Variants in PCDH9 observed in about 807,000 individuals in gnomAD.
PCDH9 encodes protocadherin 9, also known as protocadherin-9.
In PCDH9, 24 loss-of-function variants were observed where a neutral mutation model predicts 70.6. The ratio of observed to expected loss-of-function variants is 0.34; its 90% CI spans 0.25 to 0.48. The LOEUF (loss-of-function observed/expected upper bound fraction) is 0.48, where lower values mean the gene tolerates loss of function less well. PCDH9 is among the 20% of genes least tolerant of loss of function. The pLI is 0.99. For synonymous variants in PCDH9, 562 were observed against 558.5 expected, an observed-to-expected ratio of 1.01 and a Z score of -0.09; for missense variants, 1,281 against 1,503.6, an observed-to-expected ratio of 0.85 and a Z score of 2.45.
intron 2 of PCDH9, among the ~76,000 whole-genome samples, chr13:67,162,254 T>C (rs2087983333): frequency 1.3e-5 from 2 of 152,232 alleles, no homozygotes; most frequent in Admixed American, 1.3e-4. Context: ...AAAAGATATG[T>C]CAATATCCTT....
At chr13:67,016,373 T>A (rs2084561117) in intron 2 of PCDH9, among the ~76,000 whole-genome samples, 1 of 152,186 alleles carries the variant, frequency 6.6e-6, no homozygotes, top group African/African-American at 2.4e-5. Context: ...AAACTTCCCA[T>A]CTTTTTATGA....
At chr13:67,139,678 A>T (rs1032136464) in intron 2 of PCDH9, among the ~76,000 whole-genome samples, 2 of 152,174 alleles carry the variant, frequency 1.3e-5, no homozygotes, top group Non-Finnish European at 2.9e-5. Context: ...CACGACTTGT[A>T]CATCTGGTTA....
chr13:66,955,101 C>T (rs2083247010), intron 2 of PCDH9, among the ~76,000 whole-genome samples: 1 of 152,124 alleles, frequency 6.6e-6, no homozygotes, highest in South Asian at 2.1e-4. Flanking sequence ...TACCGTTGCT[C>T]AAGAGCATGT....
intron 4 of PCDH9, among the ~76,000 whole-genome samples, chr13:66,489,712 T>C (rs1172210186): frequency 6.6e-6 from 1 of 152,162 alleles, no homozygotes; most frequent in Non-Finnish European, 1.5e-5. Flanking sequence ...TGTATATGCC[T>C]AGTTTGTAGC....
intron 3 of PCDH9, among the ~76,000 whole-genome samples, chr13:66,643,203 G>A (rs2077730589): frequency 6.6e-6 from 1 of 152,020 alleles, no homozygotes; most frequent in African/African-American, 2.4e-5. Flanking sequence ...AGGAAAATAT[G>A]TTTTAAGCCT....
chr13:66,467,824 T>A (rs2138472228), intron 4 of PCDH9, among the ~76,000 whole-genome samples: 1 of 152,268 alleles, frequency 6.6e-6, no homozygotes, highest in East Asian at 1.9e-4. Flanking sequence ...TAAAATTGTA[T>A]GATACTTGTT....
At chr13:67,133,264 GAGA>G (rs1231873321) in intron 2 of PCDH9, among the ~76,000 whole-genome samples, 3 of 152,088 alleles carry the variant, frequency 2.0e-5, no homozygotes, top group African/African-American at 7.2e-5. Context: ...TTAAACTGGA[GAGA>G]AGTTGTTCTA....
chr13:66,521,501 A>G (rs1959982620), intron 4 of PCDH9, among the ~76,000 whole-genome samples: 1 of 152,180 alleles, frequency 6.6e-6, no homozygotes, highest in South Asian at 2.1e-4. Flanking sequence ...TAGAATTTCA[A>G]TTTTATGAAA....
At chr13:67,197,034 C>G (rs2138039595) in intron 2 of PCDH9, among the ~76,000 whole-genome samples, 1 of 152,018 alleles carries the variant, frequency 6.6e-6, no homozygotes, top group South Asian at 2.1e-4. Context: ...TCCTGTCCCT[C>G]CATAGGGATT....
At chr13:66,563,252 A>G (rs752697023) in intron 4 of PCDH9, among the ~76,000 whole-genome samples, 1 of 152,136 alleles carries the variant, frequency 6.6e-6, no homozygotes, top group East Asian at 1.9e-4. Flanking sequence ...ATCATAGTCT[A>G]TCAAGCTGTG....
At chr13:66,317,087 GTCTA>G (rs1218285218) in intron 4 of PCDH9, among the ~76,000 whole-genome samples, 2 of 151,950 alleles carry the variant, frequency 1.3e-5, no homozygotes, top group Non-Finnish European at 2.9e-5. Flanking sequence ...TTTGTTAATG[GTCTA>G]TCTCTCACAC....
chr13:66,320,580 CCCAAA>C (rs1955736130), intron 4 of PCDH9, among the ~76,000 whole-genome samples: 2 of 152,046 alleles, frequency 1.3e-5, no homozygotes, highest in African/African-American at 4.8e-5. Flanking sequence ...CTGAAACACT[CCCAAA>C]TGTTCTCCCT....
intron 3 of PCDH9, among the ~76,000 whole-genome samples, chr13:66,650,569 C>T (rs1419338952): frequency 6.6e-6 from 1 of 151,914 alleles, no homozygotes. Flanking sequence ...AAAAGATCAA[C>T]CAGACAGAAA....
intron 3 of PCDH9, among the ~76,000 whole-genome samples, chr13:66,724,203 AT>A (rs1224439286): frequency 1.3e-5 from 2 of 152,174 alleles, no homozygotes; most frequent in African/African-American, 4.8e-5. Context: ...TCTGTACACA[AT>A]TCATTTGATT....
chr13:66,708,685 T>TCA (rs1242548572), intron 3 of PCDH9, among the ~76,000 whole-genome samples: 2 of 152,220 alleles, frequency 1.3e-5, no homozygotes, highest in African/African-American at 4.8e-5. Flanking sequence ...CATGGCTTCC[T>TCA]CAGTCTAAGT....
At chr13:66,569,667 G>T (rs1166306366) in intron 4 of PCDH9, among the ~76,000 whole-genome samples, 1 of 152,044 alleles carries the variant, frequency 6.6e-6, no homozygotes, top group South Asian at 2.1e-4. Flanking sequence ...TTGGTTGAGG[G>T]TGTTTCTATT....
At chr13:67,072,062 T>A (rs1258769501) in intron 2 of PCDH9, among the ~76,000 whole-genome samples, 1 of 152,146 alleles carries the variant, frequency 6.6e-6, no homozygotes, top group Non-Finnish European at 1.5e-5. Flanking sequence ...CATTAAGAGA[T>A]GTAATTCTGA....
chr13:67,153,280 G>A (rs1283697339), intron 2 of PCDH9, among the ~76,000 whole-genome samples: 2 of 151,850 alleles, frequency 1.3e-5, no homozygotes, highest in Admixed American at 1.3e-4. Flanking sequence ...TTCTGCCTCA[G>A]CCTCCTCAGT....
intron 3 of PCDH9, among the ~76,000 whole-genome samples, chr13:66,707,418 A>G (rs1179370473): frequency 8.5e-5 from 13 of 152,218 alleles, no homozygotes; most frequent in Admixed American, 8.5e-4. Flanking sequence ...ATTAAGCTAC[A>G]GTTACCCTCA....
Sources: gnomAD v4.1 joint callset for allele counts (sites outside exome capture counted in the v4.1 genomes callset) on GRCh38, gnomAD v4.1.1 for gene constraint, MANE v1.5 for transcripts, NCBI Gene and HGNC (gene_info 2026-07-23, HGNC 2026-07-21) for gene names.